EVC: variants seen among roughly 807,000 people sequenced by gnomAD.
EVC encodes EvC ciliary complex subunit 1.
In EVC, 116 loss-of-function variants were observed where a neutral mutation model predicts 118.9. The observed-to-expected ratio is 0.98, with a 90% CI of 0.84 to 1.14. The LOEUF (loss-of-function observed/expected upper bound fraction) is 1.14. EVC is among the 50% of genes most tolerant of loss of function. The probability of loss-of-function intolerance (pLI) is 0.00; values close to 1 mark genes in which losing one functional copy is unlikely to be tolerated. For missense variants in EVC, 1,401 were observed against 1,246.4 expected (o/e 1.12, Z -1.87); for synonymous variants, 619 against 534.7 (o/e 1.16, Z -2.18).
In EVC at chr4:5,810,996, G is replaced by A. The variant is rs375360718; in HGVS notation, c.2938G>A (p.Gly980Arg). ...SQQESEAGDS[G>R]NSKKMLKRRS... The stretch of plus-strand genomic sequence containing the variant: ...GCAAGAAAGTGAAGCTGGGGACAGT[G>A]GGAACTCAAAGAAGATGCTAAAGAG... The change falls in exon 21 of 21, where the codon GGG becomes AGG. Residue 980 changes from glycine to arginine, a missense_variant. Physicochemically the swap from Gly to Arg is moderately radical, Grantham distance 125. Coordinates refer to ENST00000264956, the MANE Select transcript of EVC (RefSeq NM_153717.3). 6 of 1,613,134 alleles carry A rather than the reference G, an allele frequency of 3.7e-6. No individual in the cohort carries two copies. The African/African-American group carries it at 5.3e-5, about 14-fold the overall frequency.
intron 11 of EVC, among the ~76,000 whole-genome samples, chr4:5,783,005 C>G (rs1193605619): frequency 6.6e-6 from 1 of 151,596 alleles, no homozygotes; most frequent in Non-Finnish European, 1.5e-5. Flanking sequence ...TGAAGGTTGG[C>G]GAGGAGAGCA....
At chr4:5,740,470 C>CAAAAAA (rs59318619) in intron 5 of EVC, among the ~76,000 whole-genome samples, 6 of 105,472 alleles carry the variant, frequency 5.7e-5, no homozygotes, top group Admixed American at 1.1e-4. Flanking sequence ...TACTCCATCT[C>CAAAAAA]AAAAAAAAAA....
intron 14 of EVC, 171 bp downstream of exon 14, chr4:5,797,403 C>T (rs1714177555): frequency 3.1e-6 from 2 of 650,192 alleles, no homozygotes; most frequent in African/African-American, 1.8e-5. Flanking sequence ...GGGCAGCTTA[C>T]ACTGCACACA....
chr4:5,744,137 T>A (rs1310248213), intron 6 of EVC, among the ~76,000 whole-genome samples: 1 of 152,188 alleles, frequency 6.6e-6, no homozygotes, highest in Non-Finnish European at 1.5e-5. Flanking sequence ...CTTAAAACTT[T>A]CAGAAGAGGA....
chr4:5,756,535 A>G lies in EVC; in HGVS notation c.1563+173A>G, dbSNP rs1471200055. 1.3e-5 allele frequency among the ~76,000 whole-genome samples: 2 copies of G among 152,202 alleles called. No homozygotes were observed. The highest frequency in any genetic ancestry group is 2.9e-5 in the Non-Finnish European group (2 of 68,032). On this transcript the variant is annotated intron_variant, in intron 11 of 20. Transcript: ENST00000264956. This position sits in a 1 kb window ranked among gnomAD's most constrained non-coding sequence, Gnocchi z 4.2. ...CCATGCGATCCTCCTTGCCCACATC[A>G]GAAACCGAGGCAGTTGGCCTTGGTC...
chr4:5,745,657 A>G (rs1266059720), intron 7 of EVC, among the ~76,000 whole-genome samples: 2 of 152,264 alleles, frequency 1.3e-5, no homozygotes, highest in African/African-American at 2.4e-5. Context: ...ATAGAGTAGA[A>G]GAAAGCTGCT....
In EVC at chr4:5,743,032, T is replaced by C. The variant is rs756467617; in HGVS notation, c.801+1218T>C. ...AATGAAAGGGCAGTTCATTGCAAAT[T>C]GAGGGACAGGTTATTTAGAACTTTC... On this transcript the variant is annotated intron_variant, in intron 6 of 20. Transcript: ENST00000264956. The surrounding 1 kb of genome is among the most constrained non-coding windows in gnomAD (Gnocchi z 4.7). Among the ~76,000 whole-genome samples the C allele has an allele frequency of 6.6e-6, 1 of 152,212 alleles. No homozygotes were observed. The highest frequency in any genetic ancestry group is 1.5e-5 in the Non-Finnish European group (1 of 68,022).
chr4:5,784,236 G>T (rs1736082120), intron 12 of EVC, among the ~76,000 whole-genome samples: 1 of 152,166 alleles, frequency 6.6e-6, no homozygotes, highest in Admixed American at 6.5e-5. Context: ...TTGAGTGAAG[G>T]ACTTTGAGGT....
chr4:5,720,755 C>T (rs931275333), intron 2 of EVC, among the ~76,000 whole-genome samples: 1 of 152,194 alleles, frequency 6.6e-6, no homozygotes, highest in Non-Finnish European at 1.5e-5. Flanking sequence ...ACATGGCTTG[C>T]AGGAGATGAG....
chr4:5,798,471 C>T lies in EVC; in HGVS notation c.2098-115C>T. Reference sequence around the variant, plus strand: ...AGGCCACCTCTTTCTGCCCTTTCTCCATCCCTTTTCCAACCCCTGGGCCCT... The same window carrying T: ...AGGCCACCTCTTTCTGCCCTTTCTCTATCCCTTTTCCAACCCCTGGGCCCT... On this transcript the variant is annotated intron_variant, in intron 14 of 20. Coordinates refer to ENST00000264956, the MANE Select transcript of EVC (RefSeq NM_153717.3). This position sits in a 1 kb window ranked among gnomAD's most constrained non-coding sequence, Gnocchi z 4.1. 1 of 1,061,868 alleles carries T rather than the reference C, an allele frequency of 9.4e-7. No individual in the cohort carries two copies. Among genetic ancestry groups the T allele is most frequent in the Admixed American group, 2.0e-5 (1 of 50,432 alleles). 65.8% of individuals were successfully genotyped at this position (1,061,868 alleles called of 1,614,324 possible).
In EVC at chr4:5,802,102, A is replaced by C. The variant is rs575130220; in HGVS notation, c.2449+8A>C. 3 of 1,613,816 alleles carry C rather than the reference A, an allele frequency of 1.9e-6. No individual in the cohort carries two copies. In the East Asian group the frequency reaches 6.7e-5, roughly 36 times the overall value. ...ACCTGAAGACCCTGCAGGGTACGGG[A>C]CCCCCCCTCAGGGAAGCCCCAGAAG... On this transcript the variant is annotated splice_region_variant and intron_variant, in intron 16 of 20. Coordinates refer to ENST00000264956, the MANE Select transcript of EVC (RefSeq NM_153717.3).
At chr4:5,795,445 A>G (rs1713763419) in intron 13 of EVC, among the ~76,000 whole-genome samples, 1 of 152,140 alleles carries the variant, frequency 6.6e-6, no homozygotes, top group African/African-American at 2.4e-5. Context: ...TGAGCTCAGG[A>G]GTTCAAGACC....
rs1728652089 is a variant in EVC at position 5,741,922 on chromosome 4, AAT to A, written c.801+114_801+115del. 2.3e-5 allele frequency: 14 copies of A among 597,446 alleles called. No homozygotes were observed. The East Asian group carries it at 4.2e-4, about 18-fold the overall frequency. The allele number at this position is 597,446 out of a possible 1,614,324, so 37.0% of individuals were successfully genotyped here. Reference sequence around the variant, plus strand: ...TTTCATGTATAAAATAGCTTATTACAATATATACTTTTCAACACAGTATAGTG... The same window carrying A: ...TTTCATGTATAAAATAGCTTATTACAATATACTTTTCAACACAGTATAGTG... On this transcript the variant is annotated intron_variant, in intron 6 of 20. Transcript: ENST00000264956.
the EVC span, among the ~76,000 whole-genome samples, chr4:5,822,097 C>G: frequency 6.6e-6 from 1 of 152,324 alleles, no homozygotes; most frequent in African/African-American, 2.4e-5. Context: ...TGTCAAAATC[C>G]CCAGTAAAAT....
At chr4:5,734,663 C>CA (rs1463429148) in intron 5 of EVC, among the ~76,000 whole-genome samples, 5 of 152,114 alleles carry the variant, frequency 3.3e-5, no homozygotes, top group Non-Finnish European at 5.9e-5. Flanking sequence ...TCTCAAAAAA[C>CA]AAAAAACAAG....
chr4:5,800,165 T>C (rs1714710500), intron 15 of EVC, among the ~76,000 whole-genome samples: 1 of 152,048 alleles, frequency 6.6e-6, no homozygotes, highest in East Asian at 1.9e-4. Context: ...GCCAACACAG[T>C]GAAACCCCGT....
At chr4:5,802,759 C>A (rs1057157572) in intron 16 of EVC, among the ~76,000 whole-genome samples, 1 of 152,090 alleles carries the variant, frequency 6.6e-6, no homozygotes, top group Non-Finnish European at 1.5e-5. Flanking sequence ...GGAGCTCGGG[C>A]GGTAATGTGA....
intron 11 of EVC, among the ~76,000 whole-genome samples, chr4:5,777,329 A>G (rs993325165): frequency 6.6e-6 from 1 of 152,096 alleles, no homozygotes; most frequent in South Asian, 2.1e-4. Flanking sequence ...CATTTTACTA[A>G]TATTTCTCCA....
downstream of EVC, among the ~76,000 whole-genome samples, chr4:5,818,763 C>G (rs535903393): frequency 7.2e-5 from 11 of 152,310 alleles, no homozygotes; most frequent in South Asian, 8.3e-4. Flanking sequence ...ACCACCCCAA[C>G]CTTGGACTTC....
Sources: gnomAD v4.1 joint callset for allele counts (sites outside exome capture counted in the v4.1 genomes callset) on GRCh38, gnomAD v4.1.1 for gene constraint, Gnocchi (gnomAD v3.1) non-coding constraint, MANE v1.5 for transcripts, NCBI Gene and HGNC (gene_info 2026-07-23, HGNC 2026-07-21) for gene names.